The following RGS7BP variants were observed in gnomAD, a reference collection of about 807,000 sequenced individuals.
RGS7BP encodes the protein regulator of G protein signaling 7 binding protein, also known as regulator of G protein signaling 7-binding protein.
RGS7BP carries 9 observed loss-of-function variants against 31.3 expected under a neutral mutation model. The observed-to-expected ratio is 0.29, with a 90% CI of 0.17 to 0.50. The LOEUF is 0.50. RGS7BP is among the 20% of genes least tolerant of loss of function. RGS7BP has a pLI of 0.98. For synonymous variants in RGS7BP, 115 were observed against 120.1 expected (o/e 0.96, Z 0.28); for missense variants, 274 against 322.0 (o/e 0.85, Z 1.14).
At chr5:64,537,643 A>G (rs2111799483) in intron 2 of RGS7BP, among the ~76,000 whole-genome samples, 1 of 152,306 alleles carries the variant, frequency 6.6e-6, no homozygotes, top group Admixed American at 6.5e-5. Flanking sequence ...TCTAAGTTCT[A>G]TTCCTGGATC....
chr5:64,549,062 A>G (rs1216140440), intron 2 of RGS7BP, among the ~76,000 whole-genome samples: 1 of 152,132 alleles, frequency 6.6e-6, no homozygotes, highest in Non-Finnish European at 1.5e-5. Context: ...GTCTTAACTC[A>G]TTCCAGCATC....
Position 64,575,883 on chromosome 5 carries a change from T to A in RGS7BP, c.442T>A (p.Ser148Thr). Residue 148 changes from serine to threonine, a missense_variant, in exon 3 of 6, where the codon TCT becomes ACT. Physicochemically the swap from Ser to Thr is moderately conservative, Grantham distance 58 (BLOSUM62 1). Coordinates refer to ENST00000334025, the MANE Select transcript of RGS7BP (RefSeq NM_001029875.3). ...EMLKSICLLG[S>T]LQFHRKGKEP... ...GCTAAAATCCATATGTCTGCTGGGGTCTCTTCAGTTTCATCGAAAAGGTAT... is the reference window on the plus strand; with the variant it reads ...GCTAAAATCCATATGTCTGCTGGGGACTCTTCAGTTTCATCGAAAAGGTAT... 6.2e-7 allele frequency: 1 copy of A among 1,611,168 alleles called. No individual in the cohort carries two copies. Among genetic ancestry groups the A allele is most frequent in the Non-Finnish European group, 8.5e-7 (1 of 1,178,792 alleles).
chr5:64,548,531 A>G (rs1218720055), intron 2 of RGS7BP, among the ~76,000 whole-genome samples: 3 of 152,172 alleles, frequency 2.0e-5, no homozygotes, highest in African/African-American at 7.2e-5. Context: ...ACTTTCTGAG[A>G]TGGAGTCTCG....
At chr5:64,549,238 G>A (rs1324815071) in intron 2 of RGS7BP, among the ~76,000 whole-genome samples, 4 of 152,224 alleles carry the variant, frequency 2.6e-5, no homozygotes, top group Non-Finnish European at 5.9e-5. Context: ...GCAGACACAG[G>A]CTAGATATTC....
chr5:64,544,267 G>A (rs1260812596), intron 2 of RGS7BP, among the ~76,000 whole-genome samples: 4 of 152,202 alleles, frequency 2.6e-5, no homozygotes, highest in Admixed American at 6.5e-5. Context: ...AGTATGATGT[G>A]TATCATCCTA....
chr5:64,584,935 T>C lies in RGS7BP; in HGVS notation c.463+9031T>C, dbSNP rs377356518. 1.1e-4 allele frequency among the ~76,000 whole-genome samples: 17 copies of C among 152,340 alleles called. No individual in the cohort carries two copies. In the East Asian group the frequency reaches 2.1e-3, roughly 19 times the overall value. On this transcript the variant is annotated intron_variant, in intron 3 of 5. Coordinates refer to ENST00000334025, the MANE Select transcript of RGS7BP (RefSeq NM_001029875.3). ...ATAATTTATTTCTATTTAAGTTACATGCTTTTTAGAAACACAAGAGAGTAA... is the reference window on the plus strand; with the variant it reads ...ATAATTTATTTCTATTTAAGTTACACGCTTTTTAGAAACACAAGAGAGTAA...
chr5:64,609,240 C>A lies in RGS7BP; in HGVS notation c.762C>A (p.Leu254=). The A allele has an allele frequency of 1.2e-6, 2 of 1,602,360 alleles. No homozygotes were observed. Among genetic ancestry groups the A allele is most frequent in the Non-Finnish European group, 1.7e-6 (2 of 1,169,724 alleles). The change falls in exon 6 of 6, where the codon CTC becomes CTA. Residue 254 remains leucine (L), a synonymous_variant. Coordinates refer to ENST00000334025, the MANE Select transcript of RGS7BP (RefSeq NM_001029875.3). The part of the protein sequence containing the change: ...RKRRFFGLCC[L]ISS The stretch of plus-strand genomic sequence containing the variant: ...GAAGGTTCTTTGGGCTGTGTTGTCT[C>A]ATCTCAAGCTAGGTGGCTCCTCCTG...
rs527568493 is a variant in RGS7BP, at chr5:64,520,275, T to C, written c.332+12398T>C. Among the ~76,000 whole-genome samples, 74 of 152,248 alleles carry C rather than the reference T, an allele frequency of 4.9e-4. 1 individual carries two copies. Among genetic ancestry groups the C allele is most frequent in the Admixed American group, 2.6e-3 (40 of 15,294 alleles). The stretch of plus-strand genomic sequence containing the variant: ...GGCCACAGGATTGCTTTCCTTCTTT[T>C]CTACTGCCACAAACTATTATTTCCA... On this transcript the variant is annotated intron_variant, in intron 2 of 5. Coordinates refer to ENST00000334025, the MANE Select transcript of RGS7BP (RefSeq NM_001029875.3).
At chr5:64,549,943 C>T (rs1372168029) in intron 2 of RGS7BP, among the ~76,000 whole-genome samples, 1 of 152,200 alleles carries the variant, frequency 6.6e-6, no homozygotes, top group East Asian at 1.9e-4. Context: ...CCAATGTCAT[C>T]GCTTGGTAGT....
intron 3 of RGS7BP, among the ~76,000 whole-genome samples, chr5:64,590,562 T>C (rs1449728337): frequency 6.6e-6 from 1 of 152,166 alleles, no homozygotes; most frequent in Non-Finnish European, 1.5e-5. Flanking sequence ...ACATTTTAAA[T>C]AAACCATTAA....
chr5:64,570,697 G>C (rs1014424486), intron 2 of RGS7BP, among the ~76,000 whole-genome samples: 4 of 152,030 alleles, frequency 2.6e-5, no homozygotes, highest in African/African-American at 9.7e-5. Context: ...CCTCCCAGTG[G>C]TTTTGATTAA....
At chr5:64,525,493 G>T (rs976490451) in intron 2 of RGS7BP, among the ~76,000 whole-genome samples, 1 of 152,234 alleles carries the variant, frequency 6.6e-6, no homozygotes, top group Non-Finnish European at 1.5e-5. Flanking sequence ...TGAAAGGGTG[G>T]ACCCCACTAT....
chr5:64,509,335 G>T (rs866988784), intron 2 of RGS7BP, among the ~76,000 whole-genome samples: 28 of 152,176 alleles, frequency 1.8e-4, no homozygotes, highest in African/African-American at 6.0e-4. Context: ...TGTAAACTTT[G>T]TGTCCTAGAT....
chr5:64,550,190 G>A (rs1235216867), intron 2 of RGS7BP, among the ~76,000 whole-genome samples: 1 of 152,048 alleles, frequency 6.6e-6, no homozygotes, highest in Non-Finnish European at 1.5e-5. Flanking sequence ...AGTCTGCTCT[G>A]ACTGCCATAA....
At chr5:64,544,345 A>G (rs1741595355) in intron 2 of RGS7BP, among the ~76,000 whole-genome samples, 1 of 152,168 alleles carries the variant, frequency 6.6e-6, no homozygotes, top group Admixed American at 6.5e-5. Flanking sequence ...AGGATTTCCC[A>G]AAGAAAGTGA....
chr5:64,523,056 T>C (rs1749148510), intron 2 of RGS7BP, among the ~76,000 whole-genome samples: 1 of 152,180 alleles, frequency 6.6e-6, no homozygotes, highest in Non-Finnish European at 1.5e-5. Flanking sequence ...GGAACTATGC[T>C]GACTAAGGAG....
At chr5:64,552,858 A>G (rs529227260) in intron 2 of RGS7BP, among the ~76,000 whole-genome samples, 2 of 152,098 alleles carry the variant, frequency 1.3e-5, no homozygotes, top group Non-Finnish European at 2.9e-5. Context: ...TCTGTTTTGA[A>G]GTAACATGGG....
chr5:64,576,740 T>C (rs574325877), intron 3 of RGS7BP, among the ~76,000 whole-genome samples: 106 of 152,248 alleles, frequency 7.0e-4, no homozygotes, highest in African/African-American at 2.6e-3. Context: ...ACCCAACCAG[T>C]GGATATTCTG....
At position 64,595,764 on chromosome 5, in the gene RGS7BP, A is replaced by AT. The variant is rs550888636; in HGVS notation, c.611+916dup. ...TCACTGACAACATAATGAACATTTT[A>AT]TTTTTTTTTATTTTTAGAAATGTAA... On this transcript the variant is annotated intron_variant, in intron 4 of 5. Coordinates refer to ENST00000334025, the MANE Select transcript of RGS7BP (RefSeq NM_001029875.3). Among the ~76,000 whole-genome samples, 391 of 151,454 alleles carry AT rather than the reference A, an allele frequency of 2.6e-3. 2 individuals are homozygous for AT. Among genetic ancestry groups the AT allele is most frequent in the African/African-American group, 6.5e-3 (270 of 41,302 alleles).
Sources: allele counts gnomAD v4.1 joint callset (sites outside exome capture counted in the v4.1 genomes callset), GRCh38; gene constraint gnomAD v4.1.1; transcripts MANE v1.5; gene names NCBI Gene and HGNC (gene_info 2026-07-23, HGNC 2026-07-21).